GPATCH2: variants seen among roughly 807,000 people sequenced by gnomAD.
GPATCH2 encodes the protein G patch domain-containing protein 2.
In GPATCH2, 51 loss-of-function variants were observed where a neutral mutation model predicts 58.0. The ratio of observed to expected loss-of-function variants is 0.88; its 90% CI spans 0.70 to 1.11. The LOEUF (loss-of-function observed/expected upper bound fraction) is 1.11, where lower values mean the gene tolerates loss of function less well. Ranked by LOEUF, GPATCH2 falls within the 50% of genes most tolerant of loss-of-function variation. The probability of loss-of-function intolerance (pLI) is 0.00; values close to 1 mark genes in which losing one functional copy is unlikely to be tolerated. For synonymous variants in GPATCH2, 222 were observed against 218.5 expected (o/e 1.02, Z -0.14); for missense variants, 625 against 652.2 (o/e 0.96, Z 0.45).
chr1:217,593,099 TA>T (rs1346620134), intron 5 of GPATCH2, among the ~76,000 whole-genome samples: 1 of 152,000 alleles, frequency 6.6e-6, no homozygotes, highest in Non-Finnish European at 1.5e-5. Context: ...TCAAGGGTAT[TA>T]AAATGTACAA....
intron 1 of GPATCH2, among the ~76,000 whole-genome samples, chr1:217,628,477 AAACCTGCCAGTATGC>A (rs1285246041): frequency 1.3e-5 from 2 of 152,082 alleles, no homozygotes; most frequent in East Asian, 3.8e-4. Context: ...AACCTGACTC[AAACCTGCCAGTATGC>A]AACTAAGTTC....
At position 217,559,594 on chromosome 1, in the gene GPATCH2, G is replaced by A. The variant is rs539576890; in HGVS notation, c.1099-44705C>T. On this transcript the variant is annotated intron_variant, in intron 5 of 9. Transcript: ENST00000366935. ...AGCTTAAGGAAATGGAAAAAAGGAA[G>A]GGTAGAAACACTGAAAAGCAGGCAA... Among the ~76,000 whole-genome samples the A allele has an allele frequency of 2.0e-5, 3 of 152,268 alleles. No individual in the cohort carries two copies. The South Asian group carries it at 6.2e-4, about 32-fold the overall frequency.
intron 5 of GPATCH2, among the ~76,000 whole-genome samples, chr1:217,570,824 T>A (rs981743152): frequency 1.3e-5 from 2 of 152,212 alleles, no homozygotes; most frequent in Non-Finnish European, 2.9e-5. Flanking sequence ...GAAAGGATGA[T>A]GGTAAGAAAT....
intron 6 of GPATCH2, among the ~76,000 whole-genome samples, chr1:217,499,165 G>C (rs191207154): frequency 6.6e-6 from 1 of 152,196 alleles, no homozygotes; most frequent in Admixed American, 6.6e-5. Context: ...GATTGAGAGA[G>C]GTATTATGGC....
In GPATCH2 at chr1:217,611,218, T is replaced by C. The variant is rs878876222; in HGVS notation, c.836-147A>G. ...ACTAACTTTTAATATAAGTATTATA[T>C]ACTTGCACTAAATTTTTGGTGGAAA... On this transcript the variant is annotated intron_variant, in intron 3 of 9. Coordinates refer to ENST00000366935, the MANE Select transcript of GPATCH2 (RefSeq NM_018040.5). 13 of 700,064 alleles carry C rather than the reference T, an allele frequency of 1.9e-5. No homozygotes were observed. In the East Asian group the frequency reaches 2.5e-4, roughly 13 times the overall value. 43.4% of individuals were successfully genotyped at this position (700,064 alleles called of 1,614,324 possible).
intron 8 of GPATCH2, among the ~76,000 whole-genome samples, chr1:217,460,927 C>A (rs1660170994): frequency 6.6e-6 from 1 of 152,202 alleles, no homozygotes; most frequent in Non-Finnish European, 1.5e-5. Context: ...AATTTACTTG[C>A]ATAATTGATT....
chr1:217,458,649 G>A (rs1024452416), intron 8 of GPATCH2, among the ~76,000 whole-genome samples: 5 of 151,944 alleles, frequency 3.3e-5, no homozygotes, highest in African/African-American at 1.2e-4. Flanking sequence ...TAACATTAGA[G>A]CAATGTATTC....
intron 5 of GPATCH2, among the ~76,000 whole-genome samples, chr1:217,528,064 G>A (rs941627372): frequency 6.6e-6 from 1 of 152,122 alleles, no homozygotes; most frequent in Non-Finnish European, 1.5e-5. Flanking sequence ...ATGGAAGGAG[G>A]GGTGACTGTA....
At chr1:217,590,018 C>T (rs192397185) in intron 5 of GPATCH2, among the ~76,000 whole-genome samples, 3 of 149,640 alleles carry the variant, frequency 2.0e-5, no homozygotes, top group African/African-American at 7.3e-5. Context: ...ATGGTCTGTA[C>T]AACGTCTTTT....
chr1:217,467,671 T>C (rs1342494301), intron 8 of GPATCH2, among the ~76,000 whole-genome samples: 1 of 151,706 alleles, frequency 6.6e-6, no homozygotes, highest in African/African-American at 2.4e-5. Flanking sequence ...ACTGGAACTA[T>C]CAGTATGAAT....
chr1:217,585,016 A>T (rs1298197286), intron 5 of GPATCH2, among the ~76,000 whole-genome samples: 1 of 152,132 alleles, frequency 6.6e-6, no homozygotes. Flanking sequence ...AGATATGTTA[A>T]TATAATGCAT....
chr1:217,435,097 A>G lies in GPATCH2; in HGVS notation c.1367-3732T>C, dbSNP rs572699299. On this transcript the variant is annotated intron_variant, in intron 9 of 9. Transcript: ENST00000366935. ...TGGCTTCTCATCCTTCTTTTATGAG[A>G]TTAAGACTTGGGAGTGGAACAACTC... Among the ~76,000 whole-genome samples, 51 of 152,298 alleles carry G rather than the reference A, an allele frequency of 3.3e-4. 1 individual carries two copies. In the South Asian group the frequency reaches 9.1e-3, roughly 27 times the overall value.
intron 6 of GPATCH2, chr1:217,498,726 C>T (rs934509835): frequency 4.7e-6 from 2 of 427,474 alleles, no homozygotes; most frequent in Non-Finnish European, 8.5e-6. Flanking sequence ...TTTACCACAA[C>T]TTAATTATAG....
chr1:217,550,697 A>T (rs949076641), intron 5 of GPATCH2, among the ~76,000 whole-genome samples: 1 of 151,984 alleles, frequency 6.6e-6, no homozygotes, highest in African/African-American at 2.4e-5. Flanking sequence ...AAAATGAAAT[A>T]GCTTACTCTG....
intron 5 of GPATCH2, among the ~76,000 whole-genome samples, chr1:217,523,013 T>C (rs1403745806): frequency 1.3e-5 from 2 of 151,790 alleles, no homozygotes; most frequent in Non-Finnish European, 2.9e-5. Flanking sequence ...AACATAGTAA[T>C]CCAAAGCAAT....
chr1:217,466,938 T>G (rs952540003), intron 8 of GPATCH2, among the ~76,000 whole-genome samples: 2 of 152,182 alleles, frequency 1.3e-5, no homozygotes, highest in East Asian at 3.9e-4. Flanking sequence ...TTTGCGAGGC[T>G]GAGGCAGGCG....
chr1:217,583,396 C>G (rs1345962455), intron 5 of GPATCH2, among the ~76,000 whole-genome samples: 2 of 151,312 alleles, frequency 1.3e-5, no homozygotes, highest in Admixed American at 6.6e-5. Flanking sequence ...ATGGTGAAAC[C>G]CCGTCTCTAC....
At chr1:217,531,350 C>T (rs761690088) in intron 5 of GPATCH2, among the ~76,000 whole-genome samples, 8 of 152,096 alleles carry the variant, frequency 5.3e-5, no homozygotes, top group East Asian at 1.9e-4. Context: ...CTGAATTAGT[C>T]AAAAGCACAA....
At chr1:217,452,502 T>C (rs1397220311) in intron 8 of GPATCH2, among the ~76,000 whole-genome samples, 2 of 152,192 alleles carry the variant, frequency 1.3e-5, no homozygotes, top group African/African-American at 4.8e-5. Flanking sequence ...TACTTTGTTT[T>C]TGCACTAGTT....
Sources: gnomAD v4.1 joint callset for allele counts (sites outside exome capture counted in the v4.1 genomes callset) on GRCh38, gnomAD v4.1.1 for gene constraint, MANE v1.5 for transcripts, NCBI Gene and HGNC (gene_info 2026-07-23, HGNC 2026-07-21) for gene names.